The following SEMA5B variants were observed in gnomAD, a reference collection of about 807,000 sequenced individuals.
SEMA5B encodes the protein semaphorin 5B.
SEMA5B carries 66 observed loss-of-function variants against 135.0 expected under a neutral mutation model. That is an observed-to-expected ratio of 0.49 (90% CI 0.40 to 0.60). The LOEUF (loss-of-function observed/expected upper bound fraction) is 0.60. Among genes scored for constraint, SEMA5B ranks in the 20% least tolerant of loss-of-function variants. The pLI, the probability that SEMA5B is intolerant of heterozygous loss-of-function variation, is 0.00. For synonymous variants in SEMA5B, 690 were observed against 639.5 expected, an observed-to-expected ratio of 1.08 and a Z score of -1.19; for missense variants, 1,501 against 1,566.3, an observed-to-expected ratio of 0.96 and a Z score of 0.70.
At chr3:122,954,160 A>G (rs1940178852) in intron 2 of SEMA5B, among the ~76,000 whole-genome samples, 1 of 152,250 alleles carries the variant, frequency 6.6e-6, no homozygotes, top group Admixed American at 6.5e-5. Context: ...GCTGGCCTCA[A>G]GTAATCCCTC....
chr3:122,983,605 C>G (rs1941599549), intron 1 of SEMA5B, among the ~76,000 whole-genome samples: 1 of 151,460 alleles, frequency 6.6e-6, no homozygotes, highest in South Asian at 2.1e-4. Context: ...GTAGTCCCAG[C>G]TACTCGGGAG....
chr3:123,016,146 A>T (rs1189049663), intron 1 of SEMA5B, among the ~76,000 whole-genome samples: 1 of 152,160 alleles, frequency 6.6e-6, no homozygotes, highest in Non-Finnish European at 1.5e-5. Context: ...CCAAGCCTTA[A>T]TTGATCCCTA....
chr3:122,969,663 A>C (rs976064940), intron 1 of SEMA5B, among the ~76,000 whole-genome samples: 2 of 152,048 alleles, frequency 1.3e-5, no homozygotes, highest in East Asian at 3.9e-4. Flanking sequence ...ACCTGCATTG[A>C]TATTTCTGTG....
Position 122,950,750 on chromosome 3 carries a change from G to C in SEMA5B, c.125-2041C>G, listed in dbSNP as rs72970537. On this transcript the variant is annotated intron_variant, in intron 2 of 22. Transcript: ENST00000357599. ...TTGAGAGGCAAAAACAGACCACAGA[G>C]GCACCTGCACATGTGCAAAGTGACT... Among the ~76,000 whole-genome samples the C allele has an allele frequency of 5.2e-3, 793 of 152,298 alleles. 11 individuals are homozygous for C. Among genetic ancestry groups the C allele is most frequent in the African/African-American group, 0.018 (761 of 41,554 alleles).
chr3:122,965,803 C>T (rs985410070), intron 1 of SEMA5B, among the ~76,000 whole-genome samples: 1 of 152,238 alleles, frequency 6.6e-6, no homozygotes, highest in Non-Finnish European at 1.5e-5. Flanking sequence ...AGCAGACATG[C>T]TGCTCAGAGC....
intron 1 of SEMA5B, among the ~76,000 whole-genome samples, chr3:122,984,634 A>G (rs1407048937): frequency 2.6e-5 from 4 of 152,184 alleles, no homozygotes; most frequent in Non-Finnish European, 5.9e-5. Context: ...AATGTTTGCT[A>G]TTTGGGTAAT....
chr3:123,000,696 G>A (rs16833758), intron 1 of SEMA5B, among the ~76,000 whole-genome samples: 10,147 of 152,220 alleles, frequency 0.067, 406 homozygotes, highest in East Asian at 0.16. Flanking sequence ...TGTGACTCCA[G>A]CTAAAGCCGG....
At position 122,913,406 on chromosome 3, in the gene SEMA5B, G is replaced by GGTT; in HGVS notation, c.2296_2298dup (p.Asn766dup). 6.4e-7 allele frequency: 1 copy of GGTT among 1,574,634 alleles called. No homozygotes were observed. The highest frequency in any genetic ancestry group is 8.6e-7 in the Non-Finnish European group (1 of 1,164,748). On this transcript the variant is annotated inframe_insertion, in exon 17 of 23. Coordinates refer to ENST00000357599, the MANE Select transcript of SEMA5B (RefSeq NM_001031702.4). ...CGCCGCACTTCGGGGCAGCCCTCGGGGTTGCACGTCTTGAACTCCTGCGGG... is the reference window on the plus strand; with the variant it reads ...CGCCGCACTTCGGGGCAGCCCTCGGGGTTGTTGCACGTCTTGAACTCCTGCGGG...
At chr3:122,986,686 AACACACACACAG>A (rs907884447) in intron 1 of SEMA5B, among the ~76,000 whole-genome samples, 3 of 151,636 alleles carry the variant, frequency 2.0e-5, no homozygotes, top group East Asian at 1.9e-4. Context: ...GGTAGAAAGG[AACACACACACAG>A]ACACACACAC....
At chr3:122,961,329 A>G (rs1451092318) in intron 1 of SEMA5B, 28 bp from the exon 2 acceptor site, 2 of 1,601,000 alleles carry the variant, frequency 1.2e-6, no homozygotes, top group Non-Finnish European at 1.7e-6. Context: ...TGGGTAAGTC[A>G]TGGATACATG....
chr3:123,010,950 G>T (rs1465719592), intron 1 of SEMA5B, among the ~76,000 whole-genome samples: 1 of 152,164 alleles, frequency 6.6e-6, no homozygotes, highest in Non-Finnish European at 1.5e-5. Flanking sequence ...CATGTGGGCT[G>T]ACAGCCACGG....
In SEMA5B at chr3:122,986,853, C is replaced by T. The variant is rs368976829; in HGVS notation, c.-38-25552G>A. On this transcript the variant is annotated intron_variant, in intron 1 of 22. Coordinates refer to ENST00000357599, the MANE Select transcript of SEMA5B (RefSeq NM_001031702.4). Reference sequence around the variant, plus strand: ...AAATTCTTTCCCAAACTTTGCTGCACTTTCCATGAGAATGGGGATGTTCCT... The same window carrying T: ...AAATTCTTTCCCAAACTTTGCTGCATTTTCCATGAGAATGGGGATGTTCCT... Among the ~76,000 whole-genome samples the T allele has an allele frequency of 3.9e-5, 6 of 152,310 alleles. No homozygotes were observed. In the East Asian group the frequency reaches 9.6e-4, roughly 24 times the overall value.
intron 1 of SEMA5B, among the ~76,000 whole-genome samples, chr3:122,968,634 C>A (rs1312458249): frequency 6.6e-6 from 1 of 152,184 alleles, no homozygotes; most frequent in African/African-American, 2.4e-5. Context: ...CAGTTTGGAT[C>A]TTCCTATGGT....
At chr3:122,951,897 G>C (rs1430859254) in intron 2 of SEMA5B, among the ~76,000 whole-genome samples, 1 of 152,186 alleles carries the variant, frequency 6.6e-6, no homozygotes, top group South Asian at 2.1e-4. Context: ...AATTACAGTA[G>C]GATTACTTTT....
chr3:122,953,814 C>T (rs1299510900), intron 2 of SEMA5B, among the ~76,000 whole-genome samples: 1 of 152,334 alleles, frequency 6.6e-6, no homozygotes, highest in East Asian at 1.9e-4. Context: ...CAAGAATTCC[C>T]TATCTATGGA....
At chr3:122,956,945 G>T (rs539189260) in intron 2 of SEMA5B, among the ~76,000 whole-genome samples, 9 of 152,282 alleles carry the variant, frequency 5.9e-5, no homozygotes, top group Non-Finnish European at 8.8e-5. Context: ...CAAGGGTGGA[G>T]CTTCCCCAGC....
At chr3:122,958,762 G>C (rs1940447161) in intron 2 of SEMA5B, among the ~76,000 whole-genome samples, 1 of 152,050 alleles carries the variant, frequency 6.6e-6, no homozygotes, top group Non-Finnish European at 1.5e-5. Flanking sequence ...AAAATCTATG[G>C]GGGGAGGGTA....
At chr3:122,968,777 C>T (rs1004938738) in intron 1 of SEMA5B, among the ~76,000 whole-genome samples, 32 of 152,096 alleles carry the variant, frequency 2.1e-4, no homozygotes, top group Non-Finnish European at 3.8e-4. Context: ...GTTTGGTACC[C>T]ATCACTGTCA....
At chr3:122,923,594 G>A in intron 10 of SEMA5B, 23 bp downstream of exon 10, 1 of 1,613,688 alleles carries the variant, frequency 6.2e-7, no homozygotes, top group Middle Eastern at 1.7e-4. Context: ...GTGAAGACAG[G>A]GAAAGAGGAG....
Sources: gnomAD v4.1 joint callset for allele counts (sites outside exome capture counted in the v4.1 genomes callset) on GRCh38, gnomAD v4.1.1 for gene constraint, MANE v1.5 for transcripts, NCBI Gene and HGNC (gene_info 2026-07-23, HGNC 2026-07-21) for gene names.